The following RNF213 variants were observed in gnomAD, a reference collection of about 807,000 sequenced individuals.
The protein encoded by RNF213 is E3 ubiquitin-protein ligase RNF213.
In RNF213, 341 loss-of-function variants were observed where a neutral mutation model predicts 514.4. The observed-to-expected ratio is 0.66, with a 90% confidence interval of 0.61 to 0.73. The LOEUF (loss-of-function observed/expected upper bound fraction) is 0.73, where lower values mean the gene tolerates loss of function less well. Ranked by LOEUF, RNF213 falls within the 30% of genes least tolerant of loss-of-function variation. RNF213 has a pLI of 0.00. For missense variants in RNF213, 5,767 were observed against 6,615.6 expected (o/e 0.87, Z 4.45); for synonymous variants, 2,655 against 2,658.2 (o/e 1.00, Z 0.04).
In RNF213 at chr17:80,361,794, A is replaced by G; in HGVS notation, c.11261A>G (p.Gln3754Arg). ...QQTPLGRFLA[Q>R]LHGEPQQELL... Reference sequence around the variant, plus strand: ...ACTCCTCTGGGCAGGTTTCTTGCCCAGCTCCATGGAGAGCCGCAGCAGGAA... The same window carrying G: ...ACTCCTCTGGGCAGGTTTCTTGCCCGGCTCCATGGAGAGCCGCAGCAGGAA... Residue 3754 changes from glutamine to arginine, a missense_variant, in exon 39 of 68, where the codon CAG (glutamine) becomes CGG (arginine). Physicochemically the swap from Gln to Arg is conservative, Grantham distance 43 (BLOSUM62 1). This residue lies in a region of RNF213 where 355 missense variants were observed against 358.0 expected (regional missense o/e 0.99). Transcript: ENST00000582970. The G allele has an allele frequency of 6.2e-7, 1 of 1,614,116 alleles. No individual in the cohort carries two copies. The highest frequency in any genetic ancestry group is 1.1e-5 in the South Asian group (1 of 91,078).
At position 80,386,328 on chromosome 17, in the gene RNF213, G is replaced by A; in HGVS notation, c.14618G>A (p.Arg4873Gln). Residue 4873 changes from arginine (R) to glutamine (Q), a missense_variant, in exon 62 of 68, where the codon CGA (arginine) becomes CAA (glutamine). Arg to Gln is a conservative substitution (Grantham distance 43). Transcript: ENST00000582970. ...GAGTTTGAGATCCTCTTGCCACGCC[G>A]ACGGGGCCTGGGCCTCTGTGCTACC... is the stretch of plus-strand genomic sequence containing the variant. Reference protein sequence around the residue: ...DTEFEILLPRRRGLGLCATAL... With the variant: ...DTEFEILLPRQRGLGLCATAL... The A allele has an allele frequency of 1.9e-6, 3 of 1,614,028 alleles. No homozygotes were observed. Among genetic ancestry groups the A allele is most frequent in the Non-Finnish European group, 2.5e-6 (3 of 1,180,006 alleles).
chr17:80,381,752 C>T (rs370836301), intron 57 of RNF213, 25 bp downstream of exon 57: 7 of 1,602,404 alleles, frequency 4.4e-6, no homozygotes, highest in African/African-American at 4.0e-5. Flanking sequence ...AAGGGCTGGG[C>T]GGGGATCACA....
intron 26 of RNF213, among the ~76,000 whole-genome samples, chr17:80,342,576 A>C (rs1253759566): frequency 4.7e-5 from 7 of 149,156 alleles, no homozygotes; most frequent in Admixed American, 2.7e-4. Flanking sequence ...ATATACACAC[A>C]CATGCTGTAT....
At chr17:80,290,809 TTTTG>T in intron 7 of RNF213, 81 bp downstream of exon 7, 5 of 1,524,260 alleles carry the variant, frequency 3.3e-6, no homozygotes, top group Non-Finnish European at 4.5e-6. Context: ...TTTAAAAAAA[TTTTG>T]TTTTTTTTTT....
chr17:80,274,598 T>C (rs1418885405), intron 3 of RNF213, among the ~76,000 whole-genome samples: 2 of 20,252 alleles, frequency 9.9e-5, no homozygotes, highest in Admixed American at 5.4e-4. Flanking sequence ...GGGGGGTGAG[T>C]GGGGTGAGTG....
At chr17:80,363,473 G>C in intron 40 of RNF213, 136 bp from the exon 41 acceptor site, 1 of 1,217,880 alleles carries the variant, frequency 8.2e-7, no homozygotes, top group Non-Finnish European at 1.2e-6. Flanking sequence ...TCTCGCTGAC[G>C]CTTCTCACAT....
At chr17:80,374,297 A>G (rs2079651616) in intron 49 of RNF213, among the ~76,000 whole-genome samples, 161 bp from the exon 50 acceptor site, 1 of 152,224 alleles carries the variant, frequency 6.6e-6, no homozygotes, top group African/African-American at 2.4e-5. Flanking sequence ...CTCCCTGCGA[A>G]GAGGGCACCA....
Position 80,390,143 on chromosome 17 carries a change from G to A in RNF213, c.15417G>A (p.Leu5139=). 1 of 1,614,166 alleles carries A rather than the reference G, an allele frequency of 6.2e-7. No individual in the cohort carries two copies. The highest frequency in any genetic ancestry group is 8.5e-7 in the Non-Finnish European group (1 of 1,180,038). The change falls in exon 67 of 68, where the codon TTG becomes TTA. Residue 5139 remains leucine, a synonymous_variant. Coordinates refer to ENST00000582970, the MANE Select transcript of RNF213 (RefSeq NM_001256071.3). ...TAGAGCTGCACGAAATGATAATCTT[G>A]AAACTAAAGAACCCCCAAACCCAAA... The part of the protein sequence containing the change: ...FLLELHEMII[L]KLKNPQTQTE...
At chr17:80,296,688 T>C (rs899469725) in intron 10 of RNF213, among the ~76,000 whole-genome samples, 2 of 152,212 alleles carry the variant, frequency 1.3e-5, no homozygotes, top group Admixed American at 1.3e-4. Context: ...CACATTTATT[T>C]ATTTGTTGTT....
intron 11 of RNF213, among the ~76,000 whole-genome samples, chr17:80,305,729 A>AGG (rs2045335369): frequency 6.6e-6 from 1 of 151,490 alleles, no homozygotes; most frequent in African/African-American, 2.4e-5. Context: ...CTTCTGCCTC[A>AGG]GCCTCCTGAG....
At chr17:80,341,122 A>G (rs531953776) in intron 26 of RNF213, 1 of 151,970 alleles carries the variant, frequency 6.6e-6, no homozygotes, top group African/African-American at 2.4e-5. Context: ...TATTTTTAGC[A>G]GAGACAGGGT....
chr17:80,383,135 C>A, intron 58 of RNF213, 65 bp downstream of exon 58: 2 of 1,131,678 alleles, frequency 1.8e-6, no homozygotes, highest in Non-Finnish European at 2.7e-6. Context: ...CCGGCGTCTG[C>A]TGAATGCTCC....
In RNF213 at chr17:80,353,385, A is replaced by G. The variant is rs1568117995; in HGVS notation, c.10424-127A>G. On this transcript the variant is annotated intron_variant, in intron 33 of 67. Coordinates refer to ENST00000582970, the MANE Select transcript of RNF213 (RefSeq NM_001256071.3). The surrounding 1 kb of genome is among the most constrained non-coding windows in gnomAD (Gnocchi z 5.0). ...ACCGTGATCTCTCATCTGGGGACCT[A>G]GCACCACAGCAGGGGCCGGGGAAGC... 2.0e-5 allele frequency: 22 copies of G among 1,094,410 alleles called. No individual in the cohort carries two copies. Among genetic ancestry groups the G allele is most frequent in the Non-Finnish European group, 2.3e-5 (17 of 737,676 alleles). 67.8% of individuals were successfully genotyped at this position (1,094,410 alleles called of 1,614,324 possible).
chr17:80,291,090 G>T (rs149124360), intron 7 of RNF213, among the ~76,000 whole-genome samples: 86 of 152,236 alleles, frequency 5.6e-4, no homozygotes, highest in African/African-American at 1.9e-3. Context: ...GGGATTACAG[G>T]CATGAGCCAC....
At chr17:80,344,058 G>A in intron 28 of RNF213, 43 bp downstream of exon 28, 2 of 1,599,122 alleles carry the variant, frequency 1.3e-6, no homozygotes, top group Non-Finnish European at 1.7e-6. Context: ...GGGGGCTCTT[G>A]GGTTCTTTCT....
Position 80,394,592 on chromosome 17 carries a change from T to C in RNF213, c.*1094T>C, listed in dbSNP as rs1391973453. Reference sequence around the variant, plus strand: ...CTTCCTAGACAGCTCAGCACAGCTATTGATATGTTAGAGGCAGTATCCTTA... The same window carrying C: ...CTTCCTAGACAGCTCAGCACAGCTACTGATATGTTAGAGGCAGTATCCTTA... On this transcript the variant is annotated 3_prime_UTR_variant, in exon 68 of 68. Coordinates refer to ENST00000582970, the MANE Select transcript of RNF213 (RefSeq NM_001256071.3). 1 of 152,254 alleles carries C rather than the reference T, an allele frequency of 6.6e-6. No individual in the cohort carries two copies. Among genetic ancestry groups the C allele is most frequent in the Non-Finnish European group, 1.5e-5 (1 of 68,054 alleles). 9.4% of individuals were successfully genotyped at this position (152,254 alleles called of 1,614,324 possible).
At chr17:80,391,351 A>G (rs750892528) in intron 67 of RNF213, among the ~76,000 whole-genome samples, 41 of 152,232 alleles carry the variant, frequency 2.7e-4, no homozygotes, top group Non-Finnish European at 4.4e-4. Context: ...GCTTAGTGCA[A>G]CCGCTGCCTT....
chr17:80,274,409 C>T lies in RNF213; in HGVS notation c.261+1005C>T, dbSNP rs536427217. ...AGAGAAGGGCTCCTGGGCTCTAGCG[C>T]GGCCTGGGAAGACCCAGAGGGCAGT... On this transcript the variant is annotated intron_variant, in intron 3 of 67. Transcript: ENST00000582970. Among the ~76,000 whole-genome samples, 12 of 149,510 alleles carry T rather than the reference C, an allele frequency of 8.0e-5. No individual in the cohort carries two copies. The South Asian group carries it at 1.7e-3, about 22-fold the overall frequency.
In RNF213 at chr17:80,361,883, T is replaced by A; in HGVS notation, c.11350T>A (p.Leu3784Ile). 1 of 1,612,404 alleles carries A rather than the reference T, an allele frequency of 6.2e-7. No homozygotes were observed. Among genetic ancestry groups the A allele is most frequent in the Non-Finnish European group, 8.5e-7 (1 of 1,178,934 alleles). ...LTMRVSTEEE[L>I]KFLQMALWSC... ...CATGCGTGTGTCAACGGAGGAGGAA[T>A]TAAAGGTAGATGTTTAGATACTGGC... The change falls in exon 39 of 68, where the codon TTA becomes ATA. Residue 3784 changes from leucine (L) to isoleucine (I), a missense_variant. Leu to Ile is a conservative substitution (Grantham distance 5, BLOSUM62 2). Around this residue, in one of 13 missense-constraint regions of RNF213, gnomAD observed 355 missense variants for 358.0 expected, o/e 0.99. Coordinates refer to ENST00000582970, the MANE Select transcript of RNF213 (RefSeq NM_001256071.3).
Sources: allele counts gnomAD v4.1 joint callset (sites outside exome capture counted in the v4.1 genomes callset), GRCh38; gene constraint gnomAD v4.1.1; regional missense constraint gnomAD v4.1.1; non-coding constraint Gnocchi (gnomAD v3.1); transcripts MANE v1.5; gene names NCBI Gene and HGNC (gene_info 2026-07-23, HGNC 2026-07-21).